Variants in BCAS3 observed in about 807,000 individuals in gnomAD.
BCAS3 encodes the protein BCAS4/BCAS3 fusion.
A neutral mutation model predicts 116.1 loss-of-function variants in BCAS3; 53 were observed. The ratio of observed to expected loss-of-function variants is 0.46; its 90% CI spans 0.37 to 0.57. BCAS3 has a LOEUF of 0.57. BCAS3 is among the 20% of genes least tolerant of loss of function. The pLI, the probability that BCAS3 is intolerant of heterozygous loss-of-function variation, is 0.00. For missense variants in BCAS3, 917 were observed against 1,165.4 expected (o/e 0.79, Z 3.10); for synonymous variants, 391 against 408.2 (o/e 0.96, Z 0.51).
intron 19 of BCAS3, among the ~76,000 whole-genome samples, chr17:61,059,217 G>A (rs1184557035): frequency 5.3e-5 from 8 of 151,320 alleles, no homozygotes; most frequent in African/African-American, 1.5e-4. Context: ...CGAGTAGCTG[G>A]GACTACAGGC....
At chr17:60,777,167 C>G (rs2045381829) in intron 6 of BCAS3, among the ~76,000 whole-genome samples, 1 of 152,090 alleles carries the variant, frequency 6.6e-6, no homozygotes, top group Non-Finnish European at 1.5e-5. Flanking sequence ...CTACCACTGG[C>G]AGTAGGGAAA....
At chr17:60,701,176 G>A (rs1050645854) in intron 4 of BCAS3, among the ~76,000 whole-genome samples, 1 of 151,162 alleles carries the variant, frequency 6.6e-6, no homozygotes, top group South Asian at 2.1e-4. Flanking sequence ...CTGGGGAGGC[G>A]GAGGTTGCAG....
In BCAS3 at chr17:60,990,278, C is replaced by T. The variant is rs1397682241; in HGVS notation, c.1486+43C>T. ...CACTGTTATCTTGAATCTTCCTTCC[C>T]TTTGTCCTTATTTTTACAGATCTGG... On this transcript the variant is annotated intron_variant, in intron 15 of 23. Transcript: ENST00000407086. The surrounding 1 kb of genome is among the most constrained non-coding windows in gnomAD (Gnocchi z 5.1). The T allele has an allele frequency of 1.9e-6, 3 of 1,590,174 alleles. No individual in the cohort carries two copies. Among genetic ancestry groups the T allele is most frequent in the African/African-American group, 1.4e-5 (1 of 74,044 alleles).
At position 61,004,509 on chromosome 17, in the gene BCAS3, G is replaced by A. The variant is rs1031336063; in HGVS notation, c.1487-11242G>A. Among the ~76,000 whole-genome samples the A allele has an allele frequency of 3.9e-5, 6 of 152,024 alleles. No individual in the cohort carries two copies. The highest frequency in any genetic ancestry group is 1.2e-4 in the African/African-American group (5 of 41,402). On this transcript the variant is annotated intron_variant, in intron 15 of 23. Transcript: ENST00000407086. The surrounding 1 kb of genome is among the most constrained non-coding windows in gnomAD (Gnocchi z 4.8). ...TATCAGACTTGAGAATAACAGACATGAATAGTCTTGAGGTTGAAATCTGAG... is the reference window on the plus strand; with the variant it reads ...TATCAGACTTGAGAATAACAGACATAAATAGTCTTGAGGTTGAAATCTGAG...
chr17:60,735,707 A>G (rs140911551), intron 5 of BCAS3, among the ~76,000 whole-genome samples: 42 of 152,148 alleles, frequency 2.8e-4, no homozygotes, highest in Admixed American at 2.0e-3. Context: ...ACTCACCTCT[A>G]CTTCCTAAAG....
chr17:60,825,726 G>C (rs1388264656), intron 7 of BCAS3, among the ~76,000 whole-genome samples: 1 of 151,702 alleles, frequency 6.6e-6, no homozygotes, highest in Non-Finnish European at 1.5e-5. Context: ...GGGCAAAAAA[G>C]GGCCTAGGGT....
rs148798077 is a variant in BCAS3, at chr17:61,308,313, G to A, written c.2426-60014G>A. Among the ~76,000 whole-genome samples the A allele has an allele frequency of 2.1e-3, 320 of 152,152 alleles. 1 individual carries two copies. Among genetic ancestry groups the A allele is most frequent in the Non-Finnish European group, 3.9e-3 (266 of 68,012 alleles). On this transcript the variant is annotated intron_variant, in intron 22 of 23. Coordinates refer to ENST00000407086, the MANE Select transcript of BCAS3 (RefSeq NM_017679.5). ...AACAAGCATTAGCAGCCATAGTGTT[G>A]GAAGATGAATGTGACCCCAGCGACC... is the stretch of plus-strand genomic sequence containing the variant.
At chr17:61,075,045 A>G in intron 20 of BCAS3, 25 bp downstream of exon 20, 6 of 1,529,598 alleles carry the variant, frequency 3.9e-6, no homozygotes, top group Non-Finnish European at 5.4e-6. Context: ...TATTGAGAGT[A>G]TTAAAGTAAA....
chr17:60,982,703 A>G (rs1368294424), intron 14 of BCAS3, among the ~76,000 whole-genome samples: 1 of 151,958 alleles, frequency 6.6e-6, no homozygotes, highest in Non-Finnish European at 1.5e-5. Flanking sequence ...ACAAAAAACT[A>G]TATTGAATTA....
At chr17:60,900,482 C>G (rs2057813292) in intron 10 of BCAS3, among the ~76,000 whole-genome samples, 1 of 152,184 alleles carries the variant, frequency 6.6e-6, no homozygotes, top group African/African-American at 2.4e-5. Flanking sequence ...CCTAGCCAAG[C>G]AGGCTACTTG....
chr17:60,680,244 T>C (rs2032831201), intron 2 of BCAS3, among the ~76,000 whole-genome samples: 3 of 152,130 alleles, frequency 2.0e-5, no homozygotes. Context: ...TGTTCATGTG[T>C]ATGTATATAT....
At chr17:60,874,778 T>A (rs746602205) in intron 9 of BCAS3, 40 bp downstream of exon 9, 5 of 1,286,162 alleles carry the variant, frequency 3.9e-6, no homozygotes, top group Middle Eastern at 1.9e-4. Flanking sequence ...GCCTTTGGGT[T>A]TATACTACTT....
At chr17:60,716,888 A>G (rs1325380972) in intron 5 of BCAS3, among the ~76,000 whole-genome samples, 1 of 152,186 alleles carries the variant, frequency 6.6e-6, no homozygotes, top group Non-Finnish European at 1.5e-5. Flanking sequence ...AGATTTATTA[A>G]TTGTCTATTA....
intron 7 of BCAS3, among the ~76,000 whole-genome samples, chr17:60,820,347 C>T (rs114522285): frequency 0.013 from 1,943 of 152,184 alleles, 42 homozygotes; most frequent in African/African-American, 0.044. Flanking sequence ...GCCCAGCCGA[C>T]GGTGGGGCAT....
intron 13 of BCAS3, among the ~76,000 whole-genome samples, chr17:60,928,306 G>T (rs2059467388): frequency 6.6e-6 from 1 of 152,130 alleles, no homozygotes; most frequent in Admixed American, 6.5e-5. Context: ...GGACCTAAAA[G>T]ATTAGAAAAT....
At chr17:60,708,144 G>A (rs1598199256) in intron 4 of BCAS3, among the ~76,000 whole-genome samples, 1 of 151,942 alleles carries the variant, frequency 6.6e-6, no homozygotes, top group Non-Finnish European at 1.5e-5. Context: ...GCAACATGGC[G>A]AAACCCTGTC....
In BCAS3 at chr17:61,219,175, C is replaced by A. The variant is rs1411589178; in HGVS notation, c.2425+134611C>A. On this transcript the variant is annotated intron_variant, in intron 22 of 23. Coordinates refer to ENST00000407086, the MANE Select transcript of BCAS3 (RefSeq NM_017679.5). This position sits in a 1 kb window ranked among gnomAD's most constrained non-coding sequence, Gnocchi z 5.2. The stretch of plus-strand genomic sequence containing the variant: ...GCCTTTTTGAGAAGTGTTCACTCTT[C>A]TTATGGGGGACGAAGGTGAGTAGAT... Among the ~76,000 whole-genome samples the A allele has an allele frequency of 6.6e-6, 1 of 152,118 alleles. No homozygotes were observed. Among genetic ancestry groups the A allele is most frequent in the African/African-American group, 2.4e-5 (1 of 41,412 alleles).
chr17:60,732,826 A>G (rs1421667414), intron 5 of BCAS3, among the ~76,000 whole-genome samples: 2 of 152,200 alleles, frequency 1.3e-5, no homozygotes, highest in East Asian at 3.8e-4. Context: ...CGACAGAGCG[A>G]GACATCGTCT....
rs778781936 is a variant in BCAS3 at position 61,324,508 on chromosome 17, A to G, written c.2426-43819A>G. Among the ~76,000 whole-genome samples, 2 of 152,180 alleles carry G rather than the reference A, an allele frequency of 1.3e-5. No homozygotes were observed. Among genetic ancestry groups the G allele is most frequent in the Non-Finnish European group, 2.9e-5 (2 of 68,020 alleles). On this transcript the variant is annotated intron_variant, in intron 22 of 23. Coordinates refer to ENST00000407086, the MANE Select transcript of BCAS3 (RefSeq NM_017679.5). This position sits in a 1 kb window ranked among gnomAD's most constrained non-coding sequence, Gnocchi z 4.6. Reference sequence around the variant, plus strand: ...AGTATATCCTGACTATGGTATATCTATATATATCCTGACCCCGGGTTGGCT... The same window carrying G: ...AGTATATCCTGACTATGGTATATCTGTATATATCCTGACCCCGGGTTGGCT...
Sources: gnomAD v4.1 joint callset for allele counts (sites outside exome capture counted in the v4.1 genomes callset) on GRCh38, gnomAD v4.1.1 for gene constraint, Gnocchi (gnomAD v3.1) non-coding constraint, MANE v1.5 for transcripts, NCBI Gene and HGNC (gene_info 2026-07-23, HGNC 2026-07-21) for gene names.